Variants in SAMD4A observed in about 807,000 individuals in gnomAD.
SAMD4A encodes the protein protein Smaug homolog 1.
A neutral mutation model predicts 81.3 loss-of-function variants in SAMD4A; 33 were observed. The observed-to-expected ratio is 0.41, with a 90% CI of 0.31 to 0.54. The LOEUF (loss-of-function observed/expected upper bound fraction) is 0.54. SAMD4A is among the 20% of genes least tolerant of loss of function. SAMD4A has a pLI of 0.37. For missense variants in SAMD4A, 854 were observed against 951.1 expected (o/e 0.90, Z 1.34); for synonymous variants, 389 against 382.1 (o/e 1.02, Z -0.21).
rs779480273 is a variant in SAMD4A, at chr14:54,760,328, C to T, written c.1344C>T (p.Pro448=). ...PSLMGPESQS[P]DCKDGAAATG... ...TGATGGGCCCCGAGAGCCAGAGCCC[C>T]GACTGCAAAGATGGGGCCGCAGCCA... Residue 448 remains proline, a synonymous_variant, in exon 7 of 13, where the codon CCC becomes CCT. Coordinates refer to ENST00000554335, the MANE Select transcript of SAMD4A (RefSeq NM_015589.6). The T allele has an allele frequency of 5.5e-5, 89 of 1,604,352 alleles. No homozygotes were observed. Among genetic ancestry groups the T allele is most frequent in the Middle Eastern group, 1.6e-4 (1 of 6,064 alleles).
intron 6 of SAMD4A, among the ~76,000 whole-genome samples, chr14:54,755,600 A>G (rs1444667029): frequency 1.3e-5 from 2 of 152,162 alleles, no homozygotes; most frequent in Admixed American, 6.5e-5. Flanking sequence ...GAGACGGAAC[A>G]CTGTCCTCTG....
At chr14:54,570,940 T>TA (rs1369786318) in intron 2 of SAMD4A, among the ~76,000 whole-genome samples, 1 of 152,192 alleles carries the variant, frequency 6.6e-6, no homozygotes, top group African/African-American at 2.4e-5. Flanking sequence ...ATCATCAATT[T>TA]AAAAAACCCT....
rs143416209 is a variant in SAMD4A, at chr14:54,702,446, G to C, written c.581G>C (p.Arg194Pro). The part of the protein sequence containing the change: ...DDKLNGWQNS[R>P]DSGICINASN... ...AAGCTCAATGGGTGGCAGAACTCTCGGGATTCTGGGATTTGCATCAATGCC... is the reference window on the plus strand; with the variant it reads ...AAGCTCAATGGGTGGCAGAACTCTCCGGATTCTGGGATTTGCATCAATGCC... The change falls in exon 3 of 13, where the codon CGG (arginine) becomes CCG (proline). Residue 194 changes from arginine (R) to proline (P), a missense_variant. Coordinates refer to ENST00000554335, the MANE Select transcript of SAMD4A (RefSeq NM_015589.6). The C allele has an allele frequency of 1.2e-6, 2 of 1,613,998 alleles. No homozygotes were observed. Among genetic ancestry groups the C allele is most frequent in the Non-Finnish European group, 1.7e-6 (2 of 1,179,998 alleles).
chr14:54,710,887 G>A (rs1342022945), intron 3 of SAMD4A, among the ~76,000 whole-genome samples: 1 of 152,186 alleles, frequency 6.6e-6, no homozygotes, highest in Non-Finnish European at 1.5e-5. Flanking sequence ...GGCTCAAAAA[G>A]TCACAGAAAT....
intron 3 of SAMD4A, among the ~76,000 whole-genome samples, chr14:54,721,932 A>G (rs2037272367): frequency 1.3e-5 from 2 of 152,318 alleles, no homozygotes; most frequent in South Asian, 4.2e-4. Context: ...TTAAATGACA[A>G]ATTGGACACT....
intron 3 of SAMD4A, among the ~76,000 whole-genome samples, chr14:54,729,393 T>G (rs2037503401): frequency 6.6e-6 from 1 of 152,246 alleles, no homozygotes; most frequent in Non-Finnish European, 1.5e-5. Flanking sequence ...TCTAGCTTCC[T>G]GAGTTTCTCT....
At chr14:54,761,248 A>G (rs1382043694) in intron 7 of SAMD4A, among the ~76,000 whole-genome samples, 1 of 152,216 alleles carries the variant, frequency 6.6e-6, no homozygotes, top group Non-Finnish European at 1.5e-5. Flanking sequence ...CAGGCTAATT[A>G]GCCCACCTGA....
chr14:54,648,287 G>A (rs1057188870), intron 2 of SAMD4A, among the ~76,000 whole-genome samples: 1 of 152,214 alleles, frequency 6.6e-6, no homozygotes, highest in Non-Finnish European at 1.5e-5. Context: ...TCTGAATAGA[G>A]GCAGGAGGAG....
intron 2 of SAMD4A, among the ~76,000 whole-genome samples, chr14:54,588,770 T>G (rs2140173311): frequency 6.6e-6 from 1 of 152,332 alleles, no homozygotes; most frequent in African/African-American, 2.4e-5. Flanking sequence ...TTGTTTTTTC[T>G]TATTAATTTA....
chr14:54,695,133 C>G (rs543369496), intron 2 of SAMD4A, among the ~76,000 whole-genome samples: 1 of 152,314 alleles, frequency 6.6e-6, no homozygotes, highest in Non-Finnish European at 1.5e-5. Flanking sequence ...TTGAAGTGAT[C>G]TTTACCAAGT....
intron 2 of SAMD4A, among the ~76,000 whole-genome samples, chr14:54,577,848 T>G (rs2033349092): frequency 6.6e-6 from 1 of 152,196 alleles, no homozygotes; most frequent in Non-Finnish European, 1.5e-5. Context: ...CACTGCTTAC[T>G]CAGAAAGCTG....
intron 3 of SAMD4A, among the ~76,000 whole-genome samples, chr14:54,717,548 A>C (rs1407082355): frequency 6.6e-6 from 1 of 152,310 alleles, no homozygotes; most frequent in East Asian, 1.9e-4. Flanking sequence ...GTTACATCCA[A>C]GTATTAATCT....
chr14:54,694,764 T>C (rs1009279940), intron 2 of SAMD4A: 7 of 985,262 alleles, frequency 7.1e-6, no homozygotes, highest in Non-Finnish European at 6.0e-6. Context: ...AACCCTAACT[T>C]GAGTCCTTGG....
rs916776988 is a variant in SAMD4A at position 54,567,267 on chromosome 14, G to C, written c.-493G>C. On this transcript the variant is annotated 5_prime_UTR_variant, in exon 1 of 13. Transcript: ENST00000554335. ...CAGCGGCAGCAACAGGAAGCCGCGGGGTCTCCTCCCGCACCTGGGAAGCAG... is the reference window on the plus strand; with the variant it reads ...CAGCGGCAGCAACAGGAAGCCGCGGCGTCTCCTCCCGCACCTGGGAAGCAG... The C allele has an allele frequency of 3.3e-5, 5 of 152,270 alleles. No homozygotes were observed. The highest frequency in any genetic ancestry group is 7.2e-5 in the African/African-American group (3 of 41,460). The allele number at this position is 152,270 out of a possible 1,614,324, so 9.4% of individuals were successfully genotyped here. A position where few individuals can be genotyped will look rare whatever the true frequency, so the allele number is the denominator to read the frequency against.
chr14:54,668,437 TC>T (rs1365967324), intron 2 of SAMD4A, among the ~76,000 whole-genome samples: 1 of 152,154 alleles, frequency 6.6e-6, no homozygotes, highest in African/African-American at 2.4e-5. Flanking sequence ...TTTGTCAAGA[TC>T]CCCTAAAAGG....
intron 2 of SAMD4A, among the ~76,000 whole-genome samples, chr14:54,591,624 A>T (rs1442331823): frequency 6.6e-6 from 1 of 151,872 alleles, no homozygotes; most frequent in Non-Finnish European, 1.5e-5. Context: ...CGTATCAGTC[A>T]GCATGTGTAG....
intron 2 of SAMD4A, among the ~76,000 whole-genome samples, chr14:54,572,672 T>G (rs1169949199): frequency 6.6e-6 from 1 of 152,230 alleles, no homozygotes; most frequent in African/African-American, 2.4e-5. Flanking sequence ...GTACAGATTT[T>G]TAAATCAGCC....
chr14:54,738,913 T>C (rs1239071039), intron 4 of SAMD4A, among the ~76,000 whole-genome samples: 1 of 152,148 alleles, frequency 6.6e-6, no homozygotes, highest in Non-Finnish European at 1.5e-5. Context: ...CATTGGCCTT[T>C]GTGTTTGAAG....
At chr14:54,772,789 C>A (rs1027096972) in intron 9 of SAMD4A, among the ~76,000 whole-genome samples, 4 of 151,600 alleles carry the variant, frequency 2.6e-5, no homozygotes, top group Non-Finnish European at 5.9e-5. Context: ...GACTTCAGAA[C>A]TCAAAGGACT....
Sources: gnomAD v4.1 joint callset for allele counts (sites outside exome capture counted in the v4.1 genomes callset) on GRCh38, gnomAD v4.1.1 for gene constraint, MANE v1.5 for transcripts, NCBI Gene and HGNC (gene_info 2026-07-23, HGNC 2026-07-21) for gene names.